Variants in KRT40 observed in about 807,000 individuals in gnomAD.
KRT40 encodes keratin, type I cytoskeletal 40.
In KRT40, 47 loss-of-function variants were observed where a neutral mutation model predicts 43.5. The observed-to-expected ratio is 1.08, with a 90% CI of 0.86 to 1.38. KRT40 has a LOEUF of 1.38. Among genes scored for constraint, KRT40 ranks in the 40% most tolerant of loss-of-function variants. The pLI is 0.00. For synonymous variants in KRT40, 212 were observed against 214.0 expected, an observed-to-expected ratio of 0.99 and a Z score of 0.08; for missense variants, 573 against 523.6, an observed-to-expected ratio of 1.09 and a Z score of -0.92.
chr17:40,982,764 G>A (rs939284877), intron 2 of KRT40, among the ~76,000 whole-genome samples: 2 of 152,294 alleles, frequency 1.3e-5, no homozygotes, highest in Middle Eastern at 3.4e-3. Context: ...AGCACTTTGG[G>A]AGGCCAAGGC....
chr17:40,984,739 T>C (rs1176081358), upstream of KRT40, among the ~76,000 whole-genome samples: 2 of 152,130 alleles, frequency 1.3e-5, no homozygotes, highest in East Asian at 3.9e-4. Context: ...AAAATGACAA[T>C]TATTTGTTTG....
chr17:40,986,586 A>G (rs1912477193), upstream of KRT40, among the ~76,000 whole-genome samples: 2 of 152,000 alleles, frequency 1.3e-5, no homozygotes, highest in Non-Finnish European at 2.9e-5. Context: ...TTTACCTACA[A>G]CTATCTTGAT....
chr17:40,978,759 C>T (rs1174568681), intron 6 of KRT40, 45 bp downstream of exon 6: 3 of 1,524,608 alleles, frequency 2.0e-6, no homozygotes, highest in Non-Finnish European at 2.7e-6. Flanking sequence ...TTACATCAGC[C>T]TCTTTGTGAC....
intron 1 of KRT40, 48 bp downstream of exon 1, chr17:40,983,779 C>A: frequency 6.4e-7 from 1 of 1,566,964 alleles, no homozygotes; most frequent in Non-Finnish European, 8.7e-7. Flanking sequence ...AAAGATAAAG[C>A]AAACCATAGA....
upstream of KRT40, among the ~76,000 whole-genome samples, chr17:40,984,660 A>T (rs1381609811): frequency 6.6e-6 from 1 of 152,214 alleles, no homozygotes; most frequent in Non-Finnish European, 1.5e-5. Context: ...GGAAAATAAT[A>T]TGTCCACAGA....
upstream of KRT40, chr17:40,984,430 CATCTCATT>C: frequency 3.3e-6 from 2 of 610,022 alleles, no homozygotes; most frequent in Non-Finnish European, 2.9e-6. Context: ...TTCGTACAAA[CATCTCATT>C]AGAGTTGTTT....
At chr17:40,984,357 C>A, upstream of KRT40, 1 of 1,080,480 alleles carries the variant, frequency 9.3e-7, no homozygotes, top group South Asian at 1.6e-5. Flanking sequence ...AGTTTTATAA[C>A]CCCCCAAAAT....
At chr17:40,986,540 C>T (rs567866665), upstream of KRT40, among the ~76,000 whole-genome samples, 6 of 152,278 alleles carry the variant, frequency 3.9e-5, no homozygotes, top group South Asian at 2.1e-4. Context: ...TTCCTTGCAA[C>T]GTATTTTCAT....
chr17:40,983,699 C>T, intron 1 of KRT40, 128 bp downstream of exon 1: 1 of 860,922 alleles, frequency 1.2e-6, no homozygotes, highest in Non-Finnish European at 1.8e-6. Flanking sequence ...GTGCTCTCCC[C>T]TATGTATCAC....
In KRT40 at chr17:40,978,807, C is replaced by CT; in HGVS notation, c.1192dup (p.Ser398LysfsTer6). On this transcript the variant is annotated frameshift_variant, in exon 6 of 7. Coordinates refer to ENST00000377755, the MANE Select transcript of KRT40 (RefSeq NM_001389244.1). LOFTEE classifies it low-confidence loss of function (END_TRUNC). The stretch of plus-strand genomic sequence containing the variant: ...CATGAGTAACTGTGGAACTTGCCTG[C>CT]TGTCCTCGCTGTCCAGCAGGCCCCA... 1 of 1,611,354 alleles carries CT rather than the reference C, an allele frequency of 6.2e-7. No individual in the cohort carries two copies.
chr17:40,982,246 C>G (rs868740118), intron 3 of KRT40, 61 bp downstream of exon 3: 1 of 1,353,956 alleles, frequency 7.4e-7, no homozygotes, highest in Middle Eastern at 1.9e-4. Context: ...ATCAACAGAT[C>G]ATCTGTCAAT....
At position 40,978,920 on chromosome 17, in the gene KRT40, C is replaced by T. The variant is rs1420875159; in HGVS notation, c.1080G>A (p.Glu360=). ...TCTGTCGCTCCAGGTCGCAGCGGATCTCGGCCAGCTGGTTCTCCAGGTTAT... is the reference window on the plus strand; with the variant it reads ...TCTGTCGCTCCAGGTCGCAGCGGATTTCGGCCAGCTGGTTCTCCAGGTTAT... ...LIDNLENQLA[E]IRCDLERQNQ... is the part of the protein sequence containing the mutation. The change falls in exon 6 of 7, where the codon GAG becomes GAA. Residue 360 remains glutamate (E), a synonymous_variant. Coordinates refer to ENST00000377755, the MANE Select transcript of KRT40 (RefSeq NM_001389244.1). 7.4e-6 allele frequency: 12 copies of T among 1,614,154 alleles called. No homozygotes were observed. Among genetic ancestry groups the T allele is most frequent in the Non-Finnish European group, 9.3e-6 (11 of 1,180,036 alleles).
Position 40,983,999 on chromosome 17 carries a change from G to T in KRT40, c.275C>A (p.Thr92Lys). ...GAGTCTGTCATTCAGGAACTGCATC[G>T]TCTCCTTCTCATTGCTAGTGAACAC... ...DGVFTSNEKE[T>K]MQFLNDRLAS... The change falls in exon 1 of 7, where the codon ACG becomes AAG. Residue 92 changes from threonine to lysine, a missense_variant. Transcript: ENST00000377755. The T allele has an allele frequency of 6.2e-7, 1 of 1,614,000 alleles. No homozygotes were observed. Among genetic ancestry groups the T allele is most frequent in the Non-Finnish European group, 8.5e-7 (1 of 1,180,010 alleles).
rs553049802 is a variant in KRT40, at chr17:40,978,383, A to C, written c.1197-87T>G. On this transcript the variant is annotated intron_variant, in intron 6 of 6. Transcript: ENST00000377755. Reference sequence around the variant, plus strand: ...GAAAAACCGTGTCAAAATTTGCCCTACAAATTATGTTCTGAAAAAAACTCT... The same window carrying C: ...GAAAAACCGTGTCAAAATTTGCCCTCCAAATTATGTTCTGAAAAAAACTCT... 1.6e-4 allele frequency: 173 copies of C among 1,073,532 alleles called. No homozygotes were observed. The African/African-American group carries it at 2.4e-3, about 15-fold the overall frequency. 66.5% of individuals were successfully genotyped at this position (1,073,532 alleles called of 1,614,324 possible).
In KRT40 at chr17:40,977,876, T is replaced by C. The variant is rs538887745; in HGVS notation, c.*321A>G. 5.5e-5 allele frequency: 11 copies of C among 200,854 alleles called. No individual in the cohort carries two copies. The East Asian group carries it at 1.1e-3, about 20-fold the overall frequency. The allele number at this position is 200,854 out of a possible 1,614,324, so 12.4% of individuals were successfully genotyped here. A position where few individuals can be genotyped will look rare whatever the true frequency, so the allele number is the denominator to read the frequency against. On this transcript the variant is annotated 3_prime_UTR_variant, in exon 7 of 7. Coordinates refer to ENST00000377755, the MANE Select transcript of KRT40 (RefSeq NM_001389244.1). ...TTTATGTACATTGAAACTATGGTTA[T>C]GGGTTTAGATGATTTCCTTGCCATA...
At chr17:40,981,323 G>T (rs562662580) in intron 3 of KRT40, 172 bp from the exon 4 acceptor site, 2 of 1,256,000 alleles carry the variant, frequency 1.6e-6, no homozygotes, top group Admixed American at 3.9e-5. Flanking sequence ...CAGTTTCTTC[G>T]TCTGTAAAAT....
At position 40,983,084 on chromosome 17, in the gene KRT40, A is replaced by T; in HGVS notation, c.492T>A (p.Leu164=). Residue 164 remains leucine, a synonymous_variant, in exon 2 of 7, where the codon CTT becomes CTA. Transcript: ENST00000377755. ...KAENSRLAVQ[L]DNCKLATDDF... is the part of the protein sequence containing the mutation. ...CATCAGTGGCCAGTTTGCAGTTGTC[A>T]AGCTGTACAGCAAGTCTAGAATTCT... is the stretch of plus-strand genomic sequence containing the variant. The T allele has an allele frequency of 2.0e-6, 3 of 1,518,146 alleles. No individual in the cohort carries two copies. Among genetic ancestry groups the T allele is most frequent in the Non-Finnish European group, 2.7e-6 (3 of 1,097,160 alleles). 94.0% of individuals were successfully genotyped at this position (1,518,146 alleles called of 1,614,324 possible).
intron 3 of KRT40, 196 bp from the exon 4 acceptor site, chr17:40,981,347 G>T (rs141528966): frequency 9.7e-7 from 1 of 1,029,012 alleles, no homozygotes; most frequent in Admixed American, 2.0e-5. Flanking sequence ...CATAATAATT[G>T]GACATTTTTC....
Position 40,980,976 on chromosome 17 carries a change from A to T in KRT40, c.849+14T>A, listed in dbSNP as rs533594583. 45 of 1,613,792 alleles carry T rather than the reference A, an allele frequency of 2.8e-5. 1 individual carries two copies. The South Asian group carries it at 4.9e-4, about 18-fold the overall frequency. On this transcript the variant is annotated intron_variant, in intron 4 of 6. Coordinates refer to ENST00000377755, the MANE Select transcript of KRT40 (RefSeq NM_001389244.1). ...AGTCTGTAAGCCTGACATTTTTTCA[A>T]TCTGGGTACTGACCTGAACAGCCAA...
Sources: allele counts gnomAD v4.1 joint callset (sites outside exome capture counted in the v4.1 genomes callset), GRCh38; gene constraint gnomAD v4.1.1; transcripts MANE v1.5; gene names NCBI Gene and HGNC (gene_info 2026-07-23, HGNC 2026-07-21).